The following SLC45A4 variants were observed in gnomAD, a reference collection of about 807,000 sequenced individuals.
SLC45A4 encodes solute carrier family 45 member 4, also known as polyamine-transporter SLC45A4.
SLC45A4 carries 32 observed loss-of-function variants against 63.7 expected under a neutral mutation model. The observed-to-expected ratio is 0.50, with a 90% CI of 0.38 to 0.67. SLC45A4 has a LOEUF of 0.67. Ranked by LOEUF, SLC45A4 falls within the 30% of genes least tolerant of loss-of-function variation. SLC45A4 has a pLI of 0.00. For synonymous variants in SLC45A4, 535 were observed against 510.0 expected (o/e 1.05, Z -0.66); for missense variants, 1,027 against 1,157.7 (o/e 0.89, Z 1.64).
At chr8:141,307,979 G>A (rs1231690382) in intron 1 of SLC45A4, 117 bp downstream of exon 1, 1 of 150,026 alleles carries the variant, frequency 6.7e-6, no homozygotes, top group Non-Finnish European at 1.5e-5. Context: ...GCGCGGACCC[G>A]ACCTGGAGGC....
chr8:141,307,725 G>T lies in SLC45A4; in HGVS notation c.-401+371C>A, dbSNP rs78497267. Among the ~76,000 whole-genome samples the T allele has an allele frequency of 2.8e-4, 40 of 144,660 alleles. 1 individual carries two copies. In the East Asian group the frequency reaches 7.1e-3, roughly 26 times the overall value. 94.9% of individuals were successfully genotyped at this position (144,660 alleles called of 152,430 possible). A position where few individuals can be genotyped will look rare whatever the true frequency, so the allele number is the denominator to read the frequency against. ...GGCGCCAGGCTCCTCTCTGGGTAGA[G>T]AAACCGAGGAACTGGGGGCGGGGAG... On this transcript the variant is annotated intron_variant, in intron 1 of 8. Coordinates refer to ENST00000517878, the MANE Select transcript of SLC45A4 (RefSeq NM_001286646.2).
intron 1 of SLC45A4, among the ~76,000 whole-genome samples, chr8:141,300,655 C>T (rs1589868092): frequency 6.6e-6 from 1 of 152,318 alleles, no homozygotes; most frequent in South Asian, 2.1e-4. Context: ...TGACCAGATT[C>T]CTGCCAGGCA....
chr8:141,272,700 C>G (rs1238806433), intron 1 of SLC45A4, among the ~76,000 whole-genome samples: 1 of 152,186 alleles, frequency 6.6e-6, no homozygotes, highest in East Asian at 1.9e-4. Flanking sequence ...CTGCCCGCTG[C>G]CCCTCAGTGG....
intron 1 of SLC45A4, among the ~76,000 whole-genome samples, chr8:141,307,339 T>C (rs1211873387): frequency 1.3e-5 from 2 of 152,248 alleles, no homozygotes; most frequent in Non-Finnish European, 2.9e-5. Context: ...CCTGGCCTCT[T>C]TCCTCCAGGG....
At chr8:141,287,486 G>A (rs933164243) in intron 1 of SLC45A4, among the ~76,000 whole-genome samples, 8 of 152,134 alleles carry the variant, frequency 5.3e-5, no homozygotes, top group African/African-American at 1.7e-4. Context: ...AACCCTTCAC[G>A]GCAAGTCTGG....
intron 2 of SLC45A4, chr8:141,228,558 T>TC: frequency 8.0e-7 from 1 of 1,255,580 alleles, no homozygotes; most frequent in South Asian, 2.0e-5. Context: ...GAGCATGGGC[T>TC]CCTCTCTGCC....
chr8:141,214,728 A>G (rs896510044), intron 7 of SLC45A4, among the ~76,000 whole-genome samples: 11 of 152,220 alleles, frequency 7.2e-5, no homozygotes, highest in Non-Finnish European at 1.2e-4. Flanking sequence ...GTGCAAGAAT[A>G]GAGAGACTAG....
intron 1 of SLC45A4, among the ~76,000 whole-genome samples, chr8:141,265,285 G>C (rs1829220759): frequency 6.6e-6 from 1 of 152,166 alleles, no homozygotes; most frequent in Non-Finnish European, 1.5e-5. Flanking sequence ...AAGACTCTGA[G>C]GCAGTTTGAA....
chr8:141,246,317 C>T (rs1178348546), intron 2 of SLC45A4, among the ~76,000 whole-genome samples: 1 of 152,192 alleles, frequency 6.6e-6, no homozygotes, highest in East Asian at 1.9e-4. Flanking sequence ...ACAGTGACGG[C>T]CACATACCTC....
intron 1 of SLC45A4, among the ~76,000 whole-genome samples, chr8:141,282,158 G>A (rs1829977199): frequency 6.6e-6 from 1 of 152,198 alleles, no homozygotes; most frequent in Non-Finnish European, 1.5e-5. Flanking sequence ...GGACGTCGAG[G>A]ATGGAAGGAG....
At chr8:141,267,416 A>G (rs1829316560) in intron 1 of SLC45A4, among the ~76,000 whole-genome samples, 1 of 152,280 alleles carries the variant, frequency 6.6e-6, no homozygotes, top group African/African-American at 2.4e-5. Context: ...CAGAGTTCAC[A>G]GAAGCCCTGT....
chr8:141,219,557 G>A (rs1323479840), intron 4 of SLC45A4, 93 bp downstream of exon 4: 7 of 1,415,306 alleles, frequency 4.9e-6, no homozygotes, highest in Non-Finnish European at 2.8e-6. Context: ...AGCCTGATGA[G>A]GCAGCGCTGA....
At chr8:141,265,208 C>T (rs1451562530) in intron 1 of SLC45A4, among the ~76,000 whole-genome samples, 2 of 152,214 alleles carry the variant, frequency 1.3e-5, no homozygotes, top group African/African-American at 4.8e-5. Context: ...GCCCTCTGGT[C>T]CTCCTCACCC....
At chr8:141,307,287 A>G (rs1421364447) in intron 1 of SLC45A4, among the ~76,000 whole-genome samples, 1 of 152,118 alleles carries the variant, frequency 6.6e-6, no homozygotes, top group Non-Finnish European at 1.5e-5. Context: ...AGGTGCGGGG[A>G]CTTCTACAGA....
At position 141,212,056 on chromosome 8, in the gene SLC45A4, C is replaced by G. The variant is rs995331185; in HGVS notation, c.2301+141G>C. On this transcript the variant is annotated intron_variant, in intron 8 of 8. Coordinates refer to ENST00000517878, the MANE Select transcript of SLC45A4 (RefSeq NM_001286646.2). ...AATTGTGGCTATGGGGGCGGAGGGG[C>G]TCTGGCCCGCACTGCCGGGTCGGCC... 2.9e-6 allele frequency: 4 copies of G among 1,382,334 alleles called. No homozygotes were observed. The African/African-American group carries it at 5.9e-5, about 20-fold the overall frequency. The allele number at this position is 1,382,334 out of a possible 1,614,324, so 85.6% of individuals were successfully genotyped here. A position where few individuals can be genotyped will look rare whatever the true frequency, so the allele number is the denominator to read the frequency against.
intron 1 of SLC45A4, among the ~76,000 whole-genome samples, chr8:141,282,827 G>A (rs527991732): frequency 5.9e-5 from 9 of 152,392 alleles, no homozygotes; most frequent in East Asian, 1.9e-4. Flanking sequence ...CTCCTTTCCC[G>A]CTCAAGTGCC....
intron 2 of SLC45A4, among the ~76,000 whole-genome samples, chr8:141,253,715 C>T (rs1229710841): frequency 6.6e-6 from 1 of 152,216 alleles, no homozygotes; most frequent in Non-Finnish European, 1.5e-5. Context: ...AGAGCCAGTA[C>T]TTATCAGTGC....
chr8:141,230,261 T>C (rs2154614305), intron 2 of SLC45A4: 1 of 380,010 alleles, frequency 2.6e-6, no homozygotes, highest in East Asian at 7.4e-5. Context: ...TGGAGGTCTT[T>C]AAAGTTAAAG....
intron 2 of SLC45A4, among the ~76,000 whole-genome samples, chr8:141,249,752 T>TC (rs1293701572): frequency 6.6e-6 from 1 of 152,172 alleles, no homozygotes; most frequent in African/African-American, 2.4e-5. Context: ...TGAAAGAAAC[T>TC]CCAACTCCGA....
Sources: allele counts gnomAD v4.1 joint callset (sites outside exome capture counted in the v4.1 genomes callset), GRCh38; gene constraint gnomAD v4.1.1; transcripts MANE v1.5; gene names NCBI Gene and HGNC (gene_info 2026-07-23, HGNC 2026-07-21).